Variants in MCU observed in about 807,000 individuals in gnomAD.
MCU encodes the protein calcium uniporter protein, mitochondrial.
MCU carries 12 observed loss-of-function variants against 45.2 expected under a neutral mutation model. The ratio of observed to expected loss-of-function variants is 0.27; its 90% CI spans 0.17 to 0.43. MCU has a LOEUF of 0.43. MCU is among the 20% of genes least tolerant of loss of function. The pLI is 1.00. For missense variants in MCU, 324 were observed against 436.7 expected, an observed-to-expected ratio of 0.74 and a Z score of 2.30; for synonymous variants, 160 against 165.1, an observed-to-expected ratio of 0.97 and a Z score of 0.24.
intron 6 of MCU, among the ~76,000 whole-genome samples, chr10:72,873,446 G>A (rs866622038): frequency 6.6e-6 from 1 of 152,042 alleles, no homozygotes; most frequent in African/African-American, 2.4e-5. Flanking sequence ...TATTTTAATT[G>A]GATAGTTTAT....
At position 72,708,993 on chromosome 10, in the gene MCU, G is replaced by C. The variant is rs1181651847; in HGVS notation, c.150+16692G>C. Among the ~76,000 whole-genome samples, 5 of 151,974 alleles carry C rather than the reference G, an allele frequency of 3.3e-5. No homozygotes were observed. In the East Asian group the frequency reaches 9.7e-4, roughly 29 times the overall value. ...ACTGTACTCCAGCCTGGGTGACAGA[G>C]TGAAATACCCTATCTCTAAAAAAAA... On this transcript the variant is annotated intron_variant, in intron 1 of 7. Transcript: ENST00000373053.
intron 1 of MCU, among the ~76,000 whole-genome samples, chr10:72,696,504 A>G (rs1219432466): frequency 1.3e-5 from 2 of 152,124 alleles, no homozygotes; most frequent in African/African-American, 4.8e-5. Context: ...TGATTTGTGT[A>G]ATTCCTGGCT....
Position 72,884,362 on chromosome 10 carries a change from C to A in MCU, c.958C>A (p.Leu320Ile). 6.2e-7 allele frequency: 1 copy of A among 1,604,520 alleles called. No individual in the cohort carries two copies. The highest frequency in any genetic ancestry group is 8.5e-7 in the Non-Finnish European group (1 of 1,171,594). Residue 320 changes from leucine to isoleucine, a missense_variant, in exon 7 of 8, where the codon CTC becomes ATC. This residue lies in a region of MCU where 76 missense variants were observed against 99.4 expected (regional missense o/e 0.76). Coordinates refer to ENST00000373053, the MANE Select transcript of MCU (RefSeq NM_138357.3). ...SRFDLEKYNQLKDAIAQAEMD... is the reference protein window; with the variant it reads ...SRFDLEKYNQIKDAIAQAEMD... ...TTTTGACCTAGAGAAATACAATCAA[C>A]TCAAGGATGCAATTGCTCAGGTAAG...
At chr10:72,856,870 G>A (rs1845299290) in intron 2 of MCU, among the ~76,000 whole-genome samples, 2 of 150,018 alleles carry the variant, frequency 1.3e-5, no homozygotes, top group South Asian at 4.2e-4. Flanking sequence ...CTTGAGCTTG[G>A]GAGCTCGAGT....
At chr10:72,813,685 C>G (rs577420763) in intron 1 of MCU, among the ~76,000 whole-genome samples, 10 of 152,198 alleles carry the variant, frequency 6.6e-5, no homozygotes, top group African/African-American at 2.2e-4. Flanking sequence ...TCTCGAACTC[C>G]TGGCCTCAAG....
chr10:72,799,322 G>T (rs1325275485), intron 1 of MCU, among the ~76,000 whole-genome samples: 1 of 152,160 alleles, frequency 6.6e-6, no homozygotes, highest in East Asian at 1.9e-4. Context: ...GTATTACAGT[G>T]AACATTCATT....
rs374637785 is a variant in MCU, at chr10:72,860,433, C to T, written c.402C>T (p.Arg134=). 152 of 1,613,588 alleles carry T rather than the reference C, an allele frequency of 9.4e-5. No individual in the cohort carries two copies. Among genetic ancestry groups the T allele is most frequent in the Non-Finnish European group, 1.1e-4 (135 of 1,179,706 alleles). Reference sequence around the variant, plus strand: ...TTGAAATTTTCACAGATGGTGTTCGCGTTGCTGCTTCAACAGGAATAGACC... The same window carrying T: ...TTGAAATTTTCACAGATGGTGTTCGTGTTGCTGCTTCAACAGGAATAGACC... ...RVAIYSPDGV[R]VAASTGIDLL... The change falls in exon 4 of 8, where the codon CGC becomes CGT. Residue 134 remains arginine, a synonymous_variant. Coordinates refer to ENST00000373053, the MANE Select transcript of MCU (RefSeq NM_138357.3).
intron 2 of MCU, among the ~76,000 whole-genome samples, chr10:72,854,917 A>C (rs1234354933): frequency 6.6e-6 from 1 of 152,230 alleles, no homozygotes; most frequent in East Asian, 1.9e-4. Flanking sequence ...AAAAAAGTTT[A>C]GCAATACTTG....
At chr10:72,806,584 A>G (rs1274233419) in intron 1 of MCU, among the ~76,000 whole-genome samples, 1 of 152,252 alleles carries the variant, frequency 6.6e-6, no homozygotes, top group East Asian at 1.9e-4. Flanking sequence ...AGGAACATAC[A>G]GAACTAGTCA....
At chr10:72,802,919 A>G (rs1844364601) in intron 1 of MCU, among the ~76,000 whole-genome samples, 1 of 152,214 alleles carries the variant, frequency 6.6e-6, no homozygotes, top group Non-Finnish European at 1.5e-5. Flanking sequence ...TAGTTTAACC[A>G]ACAGTGGTTT....
chr10:72,777,363 G>A lies in MCU; in HGVS notation c.151-56996G>A, dbSNP rs541829583. 5.9e-5 allele frequency among the ~76,000 whole-genome samples: 9 copies of A among 152,250 alleles called. No homozygotes were observed. In the South Asian group the frequency reaches 1.0e-3, roughly 18 times the overall value. ...TTAAAAGCAGACACATAGACCAATG[G>A]AACAGAGTTGAGAATCCAGATATCA... On this transcript the variant is annotated intron_variant, in intron 1 of 7. Transcript: ENST00000373053.
intron 6 of MCU, among the ~76,000 whole-genome samples, chr10:72,875,857 G>A (rs1376582378): frequency 6.6e-6 from 1 of 152,226 alleles, no homozygotes; most frequent in East Asian, 1.9e-4. Context: ...TCAGCGTGCA[G>A]GTGGACCAGC....
intron 1 of MCU, among the ~76,000 whole-genome samples, chr10:72,738,852 A>G (rs1174894934): frequency 6.6e-6 from 1 of 152,052 alleles, no homozygotes; most frequent in Non-Finnish European, 1.5e-5. Flanking sequence ...GATGTGCCTT[A>G]TGGTTCTCTG....
intron 1 of MCU, among the ~76,000 whole-genome samples, chr10:72,735,648 A>G (rs1295699067): frequency 6.6e-6 from 1 of 152,210 alleles, no homozygotes; most frequent in East Asian, 1.9e-4. Context: ...GCCACTCAGT[A>G]TTAGAATAAA....
At chr10:72,692,685 C>A in intron 1 of MCU, 2 of 1,217,220 alleles carry the variant, frequency 1.6e-6, no homozygotes, top group Non-Finnish European at 2.1e-6. Flanking sequence ...TCCCCTTTCC[C>A]TCCTCCTCCG....
At chr10:72,868,612 C>T in intron 4 of MCU, 91 bp from the exon 5 acceptor site, 2 of 1,172,692 alleles carry the variant, frequency 1.7e-6, no homozygotes, top group South Asian at 2.9e-5. Flanking sequence ...GGTGAGATAC[C>T]TATAATGGAT....
rs142894728 is a variant in MCU at position 72,839,172 on chromosome 10, T to C, written c.220+4744T>C. 5.3e-5 allele frequency among the ~76,000 whole-genome samples: 8 copies of C among 152,112 alleles called. No individual in the cohort carries two copies. In the East Asian group the frequency reaches 1.5e-3, roughly 29 times the overall value. ...GCCCGACTGATTTTTGTATTTTTAG[T>C]AGAGAGGGGGTTTCACCATGTTGGC... is the stretch of plus-strand genomic sequence containing the variant. On this transcript the variant is annotated intron_variant, in intron 2 of 7. Coordinates refer to ENST00000373053, the MANE Select transcript of MCU (RefSeq NM_138357.3).
In MCU at chr10:72,886,289, T is replaced by C. The variant is rs181442062; in HGVS notation, c.*467T>C. On this transcript the variant is annotated 3_prime_UTR_variant, in exon 8 of 8. Coordinates refer to ENST00000373053, the MANE Select transcript of MCU (RefSeq NM_138357.3). ...TATGCTAAAATATCATTAGCATTTA[T>C]TTTAAATTGGACCCAGTCTCTGCAG... The C allele has an allele frequency of 6.5e-6, 1 of 153,864 alleles. No individual in the cohort carries two copies. The highest frequency in any genetic ancestry group is 1.9e-4 in the East Asian group (1 of 5,356). The allele number at this position is 153,864 out of a possible 1,614,324, so 9.5% of individuals were successfully genotyped here.
chr10:72,738,463 T>G (rs1293357804), intron 1 of MCU, among the ~76,000 whole-genome samples: 11 of 152,240 alleles, frequency 7.2e-5, no homozygotes, highest in Non-Finnish European at 1.5e-4. Flanking sequence ...ACAAAGAGCC[T>G]TTCTAGAAAG....
Sources: gnomAD v4.1 joint callset for allele counts (sites outside exome capture counted in the v4.1 genomes callset) on GRCh38, gnomAD v4.1.1 for gene constraint, gnomAD v4.1.1 regional missense constraint, MANE v1.5 for transcripts, NCBI Gene and HGNC (gene_info 2026-07-23, HGNC 2026-07-21) for gene names.